The following SFTPD variants were observed in gnomAD, a reference collection of about 807,000 sequenced individuals.
SFTPD encodes pulmonary surfactant-associated protein D.
In SFTPD, 18 loss-of-function variants were observed where a neutral mutation model predicts 34.6. The ratio of observed to expected loss-of-function variants is 0.52; its 90% CI spans 0.36 to 0.77. The LOEUF is 0.77. Ranked by LOEUF, SFTPD falls within the 30% of genes least tolerant of loss-of-function variation. SFTPD has a pLI of 0.00. For synonymous variants in SFTPD, 155 were observed against 180.9 expected, an observed-to-expected ratio of 0.86 and a Z score of 1.15; for missense variants, 433 against 468.9, an observed-to-expected ratio of 0.92 and a Z score of 0.71.
intron 1 of SFTPD, among the ~76,000 whole-genome samples, chr10:79,960,224 A>C (rs61860398): frequency 0.14 from 19,738 of 142,928 alleles, 1,489 homozygotes; most frequent in East Asian, 0.39. Flanking sequence ...ATTCCCTTTG[A>C]AAACTGGCAC....
chr10:79,960,493 C>T (rs1487659303), intron 1 of SFTPD, among the ~76,000 whole-genome samples: 1 of 148,454 alleles, frequency 6.7e-6, no homozygotes, highest in Non-Finnish European at 1.5e-5. Flanking sequence ...CATTCTTATA[C>T]ACCAATAACA....
chr10:79,943,681 C>A (rs1842638520), intron 2 of SFTPD, among the ~76,000 whole-genome samples: 1 of 152,120 alleles, frequency 6.6e-6, no homozygotes, highest in African/African-American at 2.4e-5. Context: ...GCTGGCGTAT[C>A]CCAGCAGCAC....
At chr10:79,964,624 G>A (rs56214416) in intron 1 of SFTPD, among the ~76,000 whole-genome samples, 22,590 of 151,694 alleles carry the variant, frequency 0.15, 2,117 homozygotes, top group East Asian at 0.41. Context: ...CCGCTAGCCC[G>A]CCTCTTAGAA....
intron 6 of SFTPD, among the ~76,000 whole-genome samples, 155 bp from the exon 7 acceptor site, chr10:79,940,943 G>A (rs540769150): frequency 6.6e-6 from 1 of 151,988 alleles, no homozygotes; most frequent in African/African-American, 2.4e-5. Context: ...GGCCTCTGCT[G>A]TGTAAGGATG....
At chr10:79,948,184 T>G (rs1387639456) in intron 1 of SFTPD, among the ~76,000 whole-genome samples, 3 of 152,220 alleles carry the variant, frequency 2.0e-5, no homozygotes, top group Non-Finnish European at 2.9e-5. Context: ...TTGTTACACC[T>G]GTTCTGGCAG....
intron 1 of SFTPD, among the ~76,000 whole-genome samples, chr10:79,963,970 C>T (rs1397469562): frequency 6.6e-6 from 1 of 152,028 alleles, no homozygotes. Context: ...TTTCCTGTTC[C>T]TCACCCTGAT....
intron 2 of SFTPD, 111 bp from the exon 3 acceptor site, chr10:79,942,990 T>G: frequency 1.4e-6 from 1 of 701,356 alleles, no homozygotes; most frequent in African/African-American, 1.8e-5. Flanking sequence ...GCATGAGACT[T>G]CCACCGTCAC....
chr10:79,951,046 G>A (rs189388388), upstream of SFTPD: 2 of 151,628 alleles, frequency 1.3e-5, no homozygotes, highest in Non-Finnish European at 2.9e-5. Context: ...TTTGGTTTTT[G>A]TTTTTTAATC....
upstream of SFTPD, among the ~76,000 whole-genome samples, chr10:79,951,643 GT>G (rs780355749): frequency 2.8e-4 from 42 of 152,294 alleles, no homozygotes; most frequent in African/African-American, 9.6e-4. Context: ...CTGTCAGCCT[GT>G]TTTTTATTTG....
At chr10:79,946,711 A>G (rs753444681) in intron 1 of SFTPD, 49 bp from the exon 2 acceptor site, 3 of 1,543,652 alleles carry the variant, frequency 1.9e-6, no homozygotes, top group Admixed American at 1.8e-5. Flanking sequence ...CTTCATGGAC[A>G]TGGTTTAGGG....
At chr10:79,948,174 T>A (rs986889695) in intron 1 of SFTPD, among the ~76,000 whole-genome samples, 1 of 152,222 alleles carries the variant, frequency 6.6e-6, no homozygotes, top group South Asian at 2.1e-4. Flanking sequence ...AGCGGCTACC[T>A]TGTTACACCT....
At chr10:79,961,450 GA>G (rs202035213) in intron 1 of SFTPD, among the ~76,000 whole-genome samples, 2 of 149,718 alleles carry the variant, frequency 1.3e-5, no homozygotes, top group African/African-American at 4.9e-5. Context: ...AAATTTACAA[GA>G]AAAAAAACAA....
chr10:79,943,640 G>A (rs1296724279), intron 2 of SFTPD, among the ~76,000 whole-genome samples: 11 of 152,180 alleles, frequency 7.2e-5, no homozygotes. Flanking sequence ...GTGGTTGTGG[G>A]TAAATTTGCT....
intron 1 of SFTPD, among the ~76,000 whole-genome samples, chr10:79,975,430 C>T (rs1208932280): frequency 1.3e-5 from 2 of 152,112 alleles, no homozygotes; most frequent in African/African-American, 4.8e-5. Flanking sequence ...CCATTGTTAC[C>T]CTGATGCTTC....
intron 1 of SFTPD, among the ~76,000 whole-genome samples, chr10:79,956,971 C>T (rs1021173574): frequency 6.6e-5 from 10 of 151,290 alleles, no homozygotes; most frequent in Non-Finnish European, 1.5e-4. Flanking sequence ...TGAACGATCA[C>T]GCAGCAGCAT....
At chr10:79,950,998 A>C (rs971829526), upstream of SFTPD, 1 of 151,936 alleles carries the variant, frequency 6.6e-6, no homozygotes, top group Non-Finnish European at 1.5e-5. Context: ...ACTATATTTT[A>C]TAGTTCCTTC....
upstream of SFTPD, among the ~76,000 whole-genome samples, chr10:79,949,454 C>T (rs1032015124): frequency 4.6e-5 from 7 of 152,240 alleles, no homozygotes; most frequent in Admixed American, 1.3e-4. Context: ...AAGGAACTCA[C>T]AACTGCAGAT....
At chr10:79,938,901 T>G (rs944348831) in intron 7 of SFTPD, among the ~76,000 whole-genome samples, 1 of 151,310 alleles carries the variant, frequency 6.6e-6, no homozygotes, top group African/African-American at 2.4e-5. Context: ...GCTGAGGGAG[T>G]GGAGGAGAGC....
chr10:79,943,322 A>G (rs542781930), intron 2 of SFTPD, among the ~76,000 whole-genome samples: 18 of 152,320 alleles, frequency 1.2e-4, no homozygotes, highest in Admixed American at 1.1e-3. Flanking sequence ...CCATCTATGC[A>G]GCATCTACTT....
Sources: allele counts gnomAD v4.1 joint callset (sites outside exome capture counted in the v4.1 genomes callset), GRCh38; gene constraint gnomAD v4.1.1; transcripts MANE v1.5; gene names NCBI Gene and HGNC (gene_info 2026-07-23, HGNC 2026-07-21).